The following C17orf99 variants were observed in gnomAD, a reference collection of about 807,000 sequenced individuals.
C17orf99 encodes protein IL-40.
A neutral mutation model predicts 22.6 loss-of-function variants in C17orf99; 18 were observed. The ratio of observed to expected loss-of-function variants is 0.80; its 90% CI spans 0.55 to 1.18. The LOEUF is 1.18. Among genes scored for constraint, C17orf99 ranks in the 50% most tolerant of loss-of-function variants. The pLI is 0.00. For synonymous variants in C17orf99, 147 were observed against 136.6 expected, an observed-to-expected ratio of 1.08 and a Z score of -0.53; for missense variants, 328 against 342.7, an observed-to-expected ratio of 0.96 and a Z score of 0.34.
At chr17:78,159,045 C>T (rs938391420) in intron 2 of C17orf99, 4 of 162,100 alleles carry the variant, frequency 2.5e-5, no homozygotes, top group African/African-American at 9.7e-5. Context: ...TGGGAGAGCC[C>T]TGCCCCCACG....
chr17:78,164,186 C>G lies in C17orf99; in HGVS notation c.462C>G (p.Ser154Arg). 3 of 1,551,612 alleles carry G rather than the reference C, an allele frequency of 1.9e-6. No individual in the cohort carries two copies. Among genetic ancestry groups the G allele is most frequent in the Non-Finnish European group, 2.6e-6 (3 of 1,146,980 alleles). The stretch of plus-strand genomic sequence containing the variant: ...TGATCTGCCAGGCGTCCTCGGGCAG[C>G]CCACCTATCACCAACAGCCTGATCG... ...VEMICQASSGSPPITNSLIGK... is the reference protein window; with the variant it reads ...VEMICQASSGRPPITNSLIGK... Residue 154 changes from serine (S) to arginine (R), a missense_variant, in exon 4 of 5, where the codon AGC (serine) becomes AGG (arginine). Transcript: ENST00000340363.
At chr17:78,156,363 A>G (rs1036345052) in intron 2 of C17orf99, among the ~76,000 whole-genome samples, 3 of 151,028 alleles carry the variant, frequency 2.0e-5, no homozygotes, top group African/African-American at 7.3e-5. Flanking sequence ...AAGAATCAGC[A>G]AAGACAGCAT....
Position 78,166,136 on chromosome 17 carries a change from G to C in C17orf99, c.*90G>C, listed in dbSNP as rs973848576. 5 of 237,058 alleles carry C rather than the reference G, an allele frequency of 2.1e-5. No individual in the cohort carries two copies. The highest frequency in any genetic ancestry group is 3.6e-5 in the Non-Finnish European group (5 of 137,470). 14.7% of individuals were successfully genotyped at this position (237,058 alleles called of 1,614,324 possible). On this transcript the variant is annotated 3_prime_UTR_variant, in exon 5 of 5. Coordinates refer to ENST00000340363, the MANE Select transcript of C17orf99 (RefSeq NM_001163075.2). ...TTTGGAGTTCATGCAAAATGAGTGTGTTTTAGCTGCTCTTGCCACAAAAAA... is the reference window on the plus strand; with the variant it reads ...TTTGGAGTTCATGCAAAATGAGTGTCTTTTAGCTGCTCTTGCCACAAAAAA...
At chr17:78,154,589 TC>T (rs1318090796) in intron 2 of C17orf99, among the ~76,000 whole-genome samples, 1 of 138,960 alleles carries the variant, frequency 7.2e-6, no homozygotes, top group Non-Finnish European at 1.5e-5. Context: ...ACACCTGTAA[TC>T]CCAGCACTTT....
At chr17:78,162,068 G>A (rs534036154) in intron 3 of C17orf99, among the ~76,000 whole-genome samples, 32 of 152,060 alleles carry the variant, frequency 2.1e-4, no homozygotes, top group African/African-American at 7.7e-4. Flanking sequence ...TTGAGCTCAG[G>A]AGTTTGAGAC....
intron 2 of C17orf99, chr17:78,160,154 T>C (rs942717665): frequency 1.5e-5 from 7 of 455,224 alleles, no homozygotes; most frequent in Non-Finnish European, 3.1e-5. Flanking sequence ...GTATTTTCTT[T>C]CTTTCTTTTT....
intron 2 of C17orf99, chr17:78,160,192 C>T: frequency 2.3e-6 from 1 of 443,694 alleles, no homozygotes; most frequent in South Asian, 1.6e-5. Flanking sequence ...ACTGGTTTCA[C>T]TTATTTATTT....
intron 2 of C17orf99, among the ~76,000 whole-genome samples, chr17:78,152,185 C>T (rs1290908885): frequency 6.6e-6 from 1 of 151,960 alleles, no homozygotes; most frequent in African/African-American, 2.4e-5. Flanking sequence ...TATTTATTTA[C>T]TTACTTATTT....
chr17:78,164,454 G>A, intron 4 of C17orf99, 90 bp downstream of exon 4: 2 of 1,548,472 alleles, frequency 1.3e-6, no homozygotes, highest in Admixed American at 3.9e-5. Context: ...ATGGGAAGTG[G>A]GACAGCTCTA....
chr17:78,159,318 CAG>C (rs1236742653), intron 2 of C17orf99, among the ~76,000 whole-genome samples: 2 of 151,932 alleles, frequency 1.3e-5, no homozygotes, highest in African/African-American at 2.4e-5. Context: ...TTCTGGACGA[CAG>C]AGCAAGACTC....
rs770106906 is a variant in C17orf99 at position 78,166,026 on chromosome 17, C to T, written c.778C>T (p.Arg260Cys). Residue 260 changes from arginine to cysteine, a missense_variant, in exon 5 of 5, where the codon CGC becomes TGC. Coordinates refer to ENST00000340363, the MANE Select transcript of C17orf99 (RefSeq NM_001163075.2). ...GATAGGGAATGGGGAGGTCAGAGGA[C>T]GCAAAGCAGCAGCCATGTAGAATGA... ...FRIGNGEVRGRKAAAM is the reference protein window; with the variant it reads ...FRIGNGEVRGCKAAAM The T allele has an allele frequency of 4.9e-5, 69 of 1,395,586 alleles. No homozygotes were observed. Among genetic ancestry groups the T allele is most frequent in the African/African-American group, 1.0e-4 (7 of 69,484 alleles). The allele number at this position is 1,395,586 out of a possible 1,614,324, so 86.5% of individuals were successfully genotyped here.
At chr17:78,151,235 G>C (rs1196640633) in intron 2 of C17orf99, among the ~76,000 whole-genome samples, 2 of 151,742 alleles carry the variant, frequency 1.3e-5, no homozygotes, top group Non-Finnish European at 2.9e-5. Context: ...GACCAGCCTG[G>C]CCAACATGCG....
chr17:78,159,259 C>T (rs1018347095), intron 2 of C17orf99: 1 of 152,316 alleles, frequency 6.6e-6, no homozygotes, highest in Non-Finnish European at 1.5e-5. Flanking sequence ...ATCGCTTGAA[C>T]CCAGGAGGTG....
chr17:78,158,270 T>A lies in C17orf99; in HGVS notation c.71-2685T>A, dbSNP rs527989341. The A allele has an allele frequency of 2.2e-5, 11 of 508,476 alleles. No individual in the cohort carries two copies. The East Asian group carries it at 4.4e-4, about 21-fold the overall frequency. The allele number at this position is 508,476 out of a possible 1,614,324, so 31.5% of individuals were successfully genotyped here. A position where few individuals can be genotyped will look rare whatever the true frequency, so the allele number is the denominator to read the frequency against. On this transcript the variant is annotated intron_variant, in intron 2 of 4. Transcript: ENST00000340363. Reference sequence around the variant, plus strand: ...CCCCCAGGCTGGCTTGGCTCTGCCCTGGTCCTAGGCTGCTGGACTCCTCCT... The same window carrying A: ...CCCCCAGGCTGGCTTGGCTCTGCCCAGGTCCTAGGCTGCTGGACTCCTCCT...
At chr17:78,145,790 ATCTT>A (rs2075433256), upstream of C17orf99, among the ~76,000 whole-genome samples, 1 of 141,648 alleles carries the variant, frequency 7.1e-6, no homozygotes. Flanking sequence ...CAGCGTGGAC[ATCTT>A]TTTTTTTTTT....
At chr17:78,149,415 A>AGATG (rs1299114673) in intron 2 of C17orf99, among the ~76,000 whole-genome samples, 2 of 149,538 alleles carry the variant, frequency 1.3e-5, no homozygotes, top group Non-Finnish European at 3.0e-5. Flanking sequence ...TGCAGCCTGG[A>AGATG]GATGGCATAT....
Position 78,157,552 on chromosome 17 carries a change from A to G in C17orf99, c.71-3403A>G, listed in dbSNP as rs1170974258. ...GGTGGCTCACGCCCGTAATCCCATCACTTTGGAAGACCGAGGCAGGCGGAT... is the reference window on the plus strand; with the variant it reads ...GGTGGCTCACGCCCGTAATCCCATCGCTTTGGAAGACCGAGGCAGGCGGAT... On this transcript the variant is annotated intron_variant, in intron 2 of 4. Coordinates refer to ENST00000340363, the MANE Select transcript of C17orf99 (RefSeq NM_001163075.2). The G allele has an allele frequency of 6.2e-6, 5 of 805,556 alleles. 1 individual carries two copies. The African/African-American group carries it at 7.1e-5, about 11-fold the overall frequency. 49.9% of individuals were successfully genotyped at this position (805,556 alleles called of 1,614,324 possible). A position where few individuals can be genotyped will look rare whatever the true frequency, so the allele number is the denominator to read the frequency against.
chr17:78,155,136 T>TGC lies in C17orf99; in HGVS notation c.71-5819_71-5818insGC, dbSNP rs1567818699. ...AGCAGCAACCCCTATTTTTTTTTTT[T>TGC]TTTTTTTGTGGAGATGGGGTCTTGC... On this transcript the variant is annotated intron_variant, in intron 2 of 4. Transcript: ENST00000340363. 5.2e-5 allele frequency among the ~76,000 whole-genome samples: 7 copies of TGC among 134,686 alleles called. No homozygotes were observed. In the Admixed American group the frequency reaches 5.2e-4, roughly 10 times the overall value. The allele number at this position is 134,686 out of a possible 152,430, so 88.4% of individuals were successfully genotyped here. A position where few individuals can be genotyped will look rare whatever the true frequency, so the allele number is the denominator to read the frequency against.
chr17:78,161,836 C>CAA, intron 3 of C17orf99, among the ~76,000 whole-genome samples: 1 of 78,872 alleles, frequency 1.3e-5, no homozygotes, highest in African/African-American at 4.8e-5. Context: ...AGAGCGTCTC[C>CAA]AAAAAAAAAA....
Sources: allele counts gnomAD v4.1 joint callset (sites outside exome capture counted in the v4.1 genomes callset), GRCh38; gene constraint gnomAD v4.1.1; transcripts MANE v1.5; gene names NCBI Gene and HGNC (gene_info 2026-07-23, HGNC 2026-07-21).